The following TMEM156 variants were observed in gnomAD, a reference collection of about 807,000 sequenced individuals.
TMEM156 encodes the protein transmembrane protein 156.
TMEM156 carries 28 observed loss-of-function variants against 30.5 expected under a neutral mutation model. That is an observed-to-expected ratio of 0.92 (90% CI 0.68 to 1.26). The LOEUF is 1.26. Ranked by LOEUF, TMEM156 falls within the 50% of genes most tolerant of loss-of-function variation. The pLI, the probability that TMEM156 is intolerant of heterozygous loss-of-function variation, is 0.00. For synonymous variants in TMEM156, 137 were observed against 119.9 expected (o/e 1.14, Z -0.93); for missense variants, 351 against 340.6 (o/e 1.03, Z -0.24).
intron 1 of TMEM156, among the ~76,000 whole-genome samples, chr4:39,026,115 T>C (rs1211635338): frequency 6.6e-6 from 1 of 152,114 alleles, no homozygotes; most frequent in Non-Finnish European, 1.5e-5. Flanking sequence ...AGAAATCAGA[T>C]AATTTTAAAA....
chr4:39,032,394 C>T lies in TMEM156; in HGVS notation c.-81G>A, dbSNP rs1715579944. The T allele has an allele frequency of 2.5e-6, 2 of 811,214 alleles. No homozygotes were observed. The highest frequency in any genetic ancestry group is 4.1e-6 in the Non-Finnish European group (2 of 490,766). 50.3% of individuals were successfully genotyped at this position (811,214 alleles called of 1,614,324 possible). On this transcript the variant is annotated 5_prime_UTR_variant, in exon 1 of 7. Transcript: ENST00000381938. ...TCCTGCTTTAAGTTTATCTCTGCAGCACTTTAGGTTAATGCAGTTCACCTC... is the reference window on the plus strand; with the variant it reads ...TCCTGCTTTAAGTTTATCTCTGCAGTACTTTAGGTTAATGCAGTTCACCTC...
At position 39,002,641 on chromosome 4, in the gene TMEM156, C is replaced by T. The variant is rs573397824; in HGVS notation, c.89-3732G>A. On this transcript the variant is annotated intron_variant, in intron 1 of 6. Transcript: ENST00000381938. ...AAAGACTTGGAACCAACCCAAATGC[C>T]CAACAATGATAGACTGGATTAAGAA... is the stretch of plus-strand genomic sequence containing the variant. 2.0e-5 allele frequency among the ~76,000 whole-genome samples: 3 copies of T among 149,022 alleles called. No individual in the cohort carries two copies. The South Asian group carries it at 6.7e-4, about 33-fold the overall frequency.
intron 4 of TMEM156, among the ~76,000 whole-genome samples, chr4:38,988,462 C>G (rs1476009110): frequency 6.6e-6 from 1 of 152,080 alleles, no homozygotes; most frequent in African/African-American, 2.4e-5. Flanking sequence ...AATCTCCTGA[C>G]CTCAGGTGAT....
chr4:38,982,596 T>G (rs1416599828), intron 5 of TMEM156, among the ~76,000 whole-genome samples: 2 of 152,220 alleles, frequency 1.3e-5, no homozygotes, highest in Admixed American at 6.5e-5. Context: ...TTTGCGAGAT[T>G]TAATAAGCTG....
rs193155555 is a variant in TMEM156, at chr4:38,972,402, C to T, written c.824-1265G>A. The stretch of plus-strand genomic sequence containing the variant: ...AGTAGCTGGGATCACAGATGTGTGC[C>T]ACCACACCTGGCTAAGTTCTGTATT... On this transcript the variant is annotated intron_variant, in intron 5 of 6. Coordinates refer to ENST00000381938, the MANE Select transcript of TMEM156 (RefSeq NM_024943.3). Among the ~76,000 whole-genome samples the T allele has an allele frequency of 1.1e-4, 16 of 151,506 alleles. No individual in the cohort carries two copies. The East Asian group carries it at 2.9e-3, about 28-fold the overall frequency.
intron 1 of TMEM156, among the ~76,000 whole-genome samples, chr4:39,028,954 T>C (rs1715363191): frequency 6.6e-6 from 1 of 152,238 alleles, no homozygotes; most frequent in Non-Finnish European, 1.5e-5. Context: ...AGTGTTGAAG[T>C]AGCTCCCTTT....
intron 1 of TMEM156, among the ~76,000 whole-genome samples, chr4:39,003,172 A>G (rs909759525): frequency 3.3e-5 from 5 of 152,104 alleles, no homozygotes; most frequent in South Asian, 2.1e-4. Context: ...TAGTAATTCC[A>G]TAAGTGTTGA....
In TMEM156 at chr4:38,986,347, T is replaced by C. The variant is rs144751214; in HGVS notation, c.812A>G (p.Gln271Arg). 21 of 1,613,566 alleles carry C rather than the reference T, an allele frequency of 1.3e-5. No individual in the cohort carries two copies. In the African/African-American group the frequency reaches 2.3e-4, roughly 17 times the overall value. ...GCCACAGAACTTACCTGAAAGAACC[T>C]GCACATTCAATGCTCTCAGTTTCTC... ...DSEKLRALNV[Q>R]VLSAETTQRL... The change falls in exon 5 of 7, where the codon CAG becomes CGG. Residue 271 changes from glutamine (Q) to arginine (R), a missense_variant. Gln to Arg is a conservative substitution (Grantham distance 43). Transcript: ENST00000381938.
At position 39,031,581 on chromosome 4, in the gene TMEM156, A is replaced by C. The variant is rs58999826; in HGVS notation, c.88+645T>G. On this transcript the variant is annotated intron_variant, in intron 1 of 6. Coordinates refer to ENST00000381938, the MANE Select transcript of TMEM156 (RefSeq NM_024943.3). ...TTCATTAAAGAATTCCAAAATGTAA[A>C]AAGCATACTTAAAGCTGCTTTGGGC... is the stretch of plus-strand genomic sequence containing the variant. 2.6e-4 allele frequency among the ~76,000 whole-genome samples: 39 copies of C among 152,286 alleles called. 1 individual carries two copies. In the East Asian group the frequency reaches 6.9e-3, roughly 27 times the overall value.
chr4:39,019,661 A>G (rs1168375440), intron 1 of TMEM156, among the ~76,000 whole-genome samples: 1 of 152,148 alleles, frequency 6.6e-6, no homozygotes, highest in African/African-American at 2.4e-5. Context: ...CCTTTCCCCA[A>G]GTTTTATTAA....
chr4:38,979,878 G>A (rs1217698888), intron 5 of TMEM156, among the ~76,000 whole-genome samples: 3 of 152,136 alleles, frequency 2.0e-5, no homozygotes, highest in Non-Finnish European at 4.4e-5. Context: ...TCTTAATTAT[G>A]TCTCCTTATT....
intron 2 of TMEM156, among the ~76,000 whole-genome samples, chr4:38,995,372 G>C (rs563873433): frequency 1.3e-5 from 2 of 152,284 alleles, no homozygotes; most frequent in African/African-American, 4.8e-5. Flanking sequence ...GCTCATTAAG[G>C]AATCTAATTC....
chr4:39,009,684 A>ATTTTTTGCGTC (rs1713981763), intron 1 of TMEM156, among the ~76,000 whole-genome samples: 1 of 152,292 alleles, frequency 6.6e-6, no homozygotes, highest in East Asian at 1.9e-4. Flanking sequence ...AAAGCATTCA[A>ATTTTTTGCGTC]TAAAATCCAA....
intron 2 of TMEM156, among the ~76,000 whole-genome samples, chr4:38,996,687 T>A (rs554591826): frequency 3.8e-4 from 58 of 152,204 alleles, no homozygotes; most frequent in Non-Finnish European, 7.3e-4. Flanking sequence ...GAAAACTGTC[T>A]GGCGGTTCCT....
chr4:38,988,612 A>G (rs1712176684), intron 4 of TMEM156, among the ~76,000 whole-genome samples: 1 of 151,544 alleles, frequency 6.6e-6, no homozygotes, highest in Admixed American at 6.6e-5. Context: ...TGTCCAGCTC[A>G]TCAGCTTCTT....
In TMEM156 at chr4:38,971,090, G is replaced by C. The variant is rs1722575336; in HGVS notation, c.871C>G (p.Pro291Ala). Residue 291 changes from proline to alanine, a missense_variant, in exon 6 of 7, where the codon CCC (proline) becomes GCC (alanine). Coordinates refer to ENST00000381938, the MANE Select transcript of TMEM156 (RefSeq NM_024943.3). ...LPLDQVQEVL[P>A]PIPEL ...GTAACTTATAGTTCTGGAATTGGGG[G>C]AAGCACTTCCTGGACTTGATCCAAA... The C allele has an allele frequency of 6.2e-7, 1 of 1,613,984 alleles. No homozygotes were observed. The highest frequency in any genetic ancestry group is 8.5e-7 in the Non-Finnish European group (1 of 1,179,900).
At chr4:38,990,830 G>GTTTTTTTTTTTTGTTTT (rs1560365255) in intron 3 of TMEM156, among the ~76,000 whole-genome samples, 52 of 81,224 alleles carry the variant, frequency 6.4e-4, no homozygotes, top group African/African-American at 2.1e-3. Flanking sequence ...TTGTTTTCTG[G>GTTTTTTTTTTTTGTTTT]TTTTTTTTTT....
At chr4:38,991,546 CA>C (rs1712465205) in intron 3 of TMEM156, among the ~76,000 whole-genome samples, 1 of 152,016 alleles carries the variant, frequency 6.6e-6, no homozygotes, top group Non-Finnish European at 1.5e-5. Flanking sequence ...CTACCCATGG[CA>C]AAATGAATAT....
rs2109976996 is a variant in TMEM156, at chr4:38,998,868, A to T, written c.130T>A (p.Ser44Thr). The T allele has an allele frequency of 6.2e-7, 1 of 1,613,790 alleles. No individual in the cohort carries two copies. Among genetic ancestry groups the T allele is most frequent in the Non-Finnish European group, 8.5e-7 (1 of 1,179,886 alleles). The change falls in exon 2 of 7, where the codon TCT (serine) becomes ACT (threonine). Residue 44 changes from serine to threonine, a missense_variant. Physicochemically the swap from Ser to Thr is moderately conservative, Grantham distance 58 (BLOSUM62 1). Coordinates refer to ENST00000381938, the MANE Select transcript of TMEM156 (RefSeq NM_024943.3). Reference sequence around the variant, plus strand: ...GAGGAGAGTGAATAGGTAAAATTAGATTGCAAACACACTTCCAGACATGAT... The same window carrying T: ...GAGGAGAGTGAATAGGTAAAATTAGTTTGCAAACACACTTCCAGACATGAT... The part of the protein sequence containing the change: ...ELSCLEVCLQ[S>T]NFTYSLSSLN...
Sources: gnomAD v4.1 joint callset for allele counts (sites outside exome capture counted in the v4.1 genomes callset) on GRCh38, gnomAD v4.1.1 for gene constraint, MANE v1.5 for transcripts, NCBI Gene and HGNC (gene_info 2026-07-23, HGNC 2026-07-21) for gene names.